The following TANC2 variants were observed in gnomAD, a reference collection of about 807,000 sequenced individuals.
TANC2 encodes the protein protein TANC2.
Under a neutral mutation model 210.5 loss-of-function variants are expected in TANC2, and 26 were observed. That is an observed-to-expected ratio of 0.12 (90% CI 0.09 to 0.17). The LOEUF (loss-of-function observed/expected upper bound fraction) is 0.17. Among genes scored for constraint, TANC2 ranks in the 10% least tolerant of loss-of-function variants. The pLI is 1.00. For synonymous variants in TANC2, 931 were observed against 967.1 expected, an observed-to-expected ratio of 0.96 and a Z score of 0.69; for missense variants, 2,129 against 2,608.9, an observed-to-expected ratio of 0.82 and a Z score of 4.01.
chr17:63,245,263 T>C (rs1235927214), intron 8 of TANC2, among the ~76,000 whole-genome samples: 1 of 152,220 alleles, frequency 6.6e-6, no homozygotes, highest in Non-Finnish European at 1.5e-5. Flanking sequence ...GAATTTATTT[T>C]GATGCAAAAA....
chr17:63,274,089 G>A (rs879843045), intron 9 of TANC2, among the ~76,000 whole-genome samples: 9 of 152,144 alleles, frequency 5.9e-5, no homozygotes, highest in East Asian at 3.8e-4. Flanking sequence ...AATTTAACAG[G>A]TGCCTTAATA....
At chr17:63,221,641 A>C (rs940425471) in intron 7 of TANC2, among the ~76,000 whole-genome samples, 2 of 152,208 alleles carry the variant, frequency 1.3e-5, no homozygotes, top group African/African-American at 2.4e-5. Context: ...AAAGCATATG[A>C]ATAACAAGAG....
In TANC2 at chr17:63,187,347, CTT is replaced by C. The variant is rs1598562811; in HGVS notation, c.434-6643_434-6642del. On this transcript the variant is annotated intron_variant, in intron 5 of 27. Coordinates refer to ENST00000689528, the Ensembl canonical transcript of TANC2. ...GTAAAGTATGGATAATATTGCCTACCTTGTAGGGCAGTTTGATGATTAAATTA... is the reference window on the plus strand; with the variant it reads ...GTAAAGTATGGATAATATTGCCTACCGTAGGGCAGTTTGATGATTAAATTA... Among the ~76,000 whole-genome samples the C allele has an allele frequency of 2.6e-5, 4 of 152,138 alleles. No homozygotes were observed. In the East Asian group the frequency reaches 7.7e-4, roughly 29 times the overall value.
chr17:63,267,196 T>A (rs1705171348), intron 8 of TANC2, among the ~76,000 whole-genome samples: 1 of 152,170 alleles, frequency 6.6e-6, no homozygotes, highest in Non-Finnish European at 1.5e-5. Context: ...TTCTTATAAT[T>A]TGAAACATTT....
chr17:63,094,075 T>C (rs1403063231), intron 3 of TANC2, among the ~76,000 whole-genome samples: 1 of 152,194 alleles, frequency 6.6e-6, no homozygotes, highest in Non-Finnish European at 1.5e-5. Flanking sequence ...TGTTCATTGC[T>C]AGTATATAGA....
intron 6 of TANC2, among the ~76,000 whole-genome samples, chr17:63,198,401 G>A (rs2041416604): frequency 1.3e-5 from 2 of 152,060 alleles, no homozygotes; most frequent in African/African-American, 4.8e-5. Context: ...TGCCATGTTG[G>A]CCAGGCTGGT....
intron 7 of TANC2, among the ~76,000 whole-genome samples, chr17:63,214,303 G>A (rs556142170): frequency 1.3e-4 from 20 of 152,266 alleles, no homozygotes; most frequent in South Asian, 8.3e-4. Context: ...CAAATGACTC[G>A]GAGCAGCCCT....
chr17:63,024,644 C>T (rs1243045262), intron 2 of TANC2, among the ~76,000 whole-genome samples: 3 of 152,180 alleles, frequency 2.0e-5, no homozygotes, highest in Non-Finnish European at 4.4e-5. Context: ...ATGGAGTATA[C>T]ACACATTTGC....
chr17:63,199,982 A>G lies in TANC2; in HGVS notation c.583-789A>G, dbSNP rs183975945. 9.7e-4 allele frequency among the ~76,000 whole-genome samples: 147 copies of G among 152,318 alleles called. 1 individual carries two copies. Among genetic ancestry groups the G allele is most frequent in the African/African-American group, 3.0e-3 (123 of 41,576 alleles). ...ATGTATTGTCTCTGGACAGCTGCCT[A>G]TGTATCGAAAAGACACTTCCTTGCA... On this transcript the variant is annotated intron_variant, in intron 6 of 27. Transcript: ENST00000689528.
intron 19 of TANC2, among the ~76,000 whole-genome samples, chr17:63,402,330 C>T (rs1224316231): frequency 6.6e-6 from 1 of 152,196 alleles, no homozygotes; most frequent in Non-Finnish European, 1.5e-5. Context: ...GGACATATCT[C>T]CATTGTGCAT....
At chr17:63,346,874 T>TGC (rs2046429594) in intron 12 of TANC2, among the ~76,000 whole-genome samples, 1 of 145,768 alleles carries the variant, frequency 6.9e-6, no homozygotes, top group Non-Finnish European at 1.5e-5. Context: ...CCTGGCTAAT[T>TGC]TTTTTTTTTT....
At chr17:63,246,243 CTT>C (rs141334352) in intron 8 of TANC2, among the ~76,000 whole-genome samples, 2 of 148,108 alleles carry the variant, frequency 1.4e-5, no homozygotes, top group Non-Finnish European at 3.0e-5. Flanking sequence ...CTGGCCAGAA[CTT>C]TTTTTTTTGT....
intron 1 of TANC2, among the ~76,000 whole-genome samples, chr17:63,003,982 ATCAT>A: frequency 6.6e-6 from 1 of 152,244 alleles, no homozygotes; most frequent in East Asian, 1.9e-4. Flanking sequence ...TGGGCAGACA[ATCAT>A]TAACAGTGTA....
At chr17:62,994,312 T>C (rs1177124988) in intron 1 of TANC2, among the ~76,000 whole-genome samples, 1 of 151,474 alleles carries the variant, frequency 6.6e-6, no homozygotes, top group Non-Finnish European at 1.5e-5. Flanking sequence ...CTCCTGAGTA[T>C]CTGGGATTAC....
intron 9 of TANC2, among the ~76,000 whole-genome samples, chr17:63,301,050 CAT>C (rs1166620950): frequency 6.6e-6 from 1 of 152,098 alleles, no homozygotes; most frequent in Non-Finnish European, 1.5e-5. Context: ...TGGTTTTTGT[CAT>C]TGGTTCTGTT....
intron 2 of TANC2, among the ~76,000 whole-genome samples, chr17:63,024,618 C>G (rs928285145): frequency 6.6e-6 from 1 of 152,148 alleles, no homozygotes; most frequent in African/African-American, 2.4e-5. Flanking sequence ...CTTATTTTAC[C>G]CAGCCCCTAT....
intron 12 of TANC2, 127 bp from the exon 13 acceptor site, chr17:63,351,123 G>A: frequency 2.5e-6 from 2 of 811,844 alleles, no homozygotes; most frequent in South Asian, 3.8e-5. Context: ...TGTACCCTGA[G>A]CATTCACTAA....
chr17:63,205,910 A>T (rs532634610), intron 7 of TANC2, among the ~76,000 whole-genome samples: 1 of 152,208 alleles, frequency 6.6e-6, no homozygotes, highest in Non-Finnish European at 1.5e-5. Flanking sequence ...TTCATCTCAA[A>T]AAGAAAAAAA....
At chr17:63,009,467 C>A in intron 1 of TANC2, 70 bp from the exon 2 acceptor site, 3 of 1,011,372 alleles carry the variant, frequency 3.0e-6, no homozygotes, top group Non-Finnish European at 4.5e-6. Context: ...TAGTTATTGA[C>A]TATAGTCACC....
Sources: gnomAD v4.1 joint callset for allele counts (sites outside exome capture counted in the v4.1 genomes callset) on GRCh38, gnomAD v4.1.1 for gene constraint, MANE v1.5 for transcripts, NCBI Gene and HGNC (gene_info 2026-07-23, HGNC 2026-07-21) for gene names.